The following ARHGAP35 variants were observed in gnomAD, a reference collection of about 807,000 sequenced individuals.
The protein encoded by ARHGAP35 is Rho GTPase activating protein 35, also known as rho GTPase-activating protein 35.
ARHGAP35 carries 15 observed loss-of-function variants against 111.1 expected under a neutral mutation model. That is an observed-to-expected ratio of 0.13 (90% CI 0.09 to 0.21). The LOEUF is 0.21. Ranked by LOEUF, ARHGAP35 falls within the 10% of genes least tolerant of loss-of-function variation. The pLI is 1.00. For missense variants in ARHGAP35, 1,262 were observed against 1,873.0 expected, an observed-to-expected ratio of 0.67 and a Z score of 6.02; for synonymous variants, 643 against 710.3, an observed-to-expected ratio of 0.91 and a Z score of 1.51.
intron 1 of ARHGAP35, among the ~76,000 whole-genome samples, chr19:46,895,794 C>T (rs66942854): frequency 0.061 from 9,218 of 152,100 alleles, 412 homozygotes; most frequent in East Asian, 0.17. Context: ...TTACCCTTCC[C>T]GGGTGGATTT....
At chr19:46,963,700 G>A (rs558161473) in intron 3 of ARHGAP35, among the ~76,000 whole-genome samples, 18 of 152,134 alleles carry the variant, frequency 1.2e-4, no homozygotes, top group Admixed American at 4.6e-4. Context: ...CTGTCACCTC[G>A]AAAGAGGACA....
At chr19:46,895,158 GCAAAATCTTTTTTTT>G (rs1454820396) in intron 1 of ARHGAP35, among the ~76,000 whole-genome samples, 2 of 151,668 alleles carry the variant, frequency 1.3e-5, no homozygotes, top group African/African-American at 2.4e-5. Context: ...AAATTTAAGG[GCAAAATCTTTTTTTT>G]TTTTTTTTGA....
At chr19:46,886,629 GGTT>G (rs1425718271) in intron 1 of ARHGAP35, among the ~76,000 whole-genome samples, 1 of 152,174 alleles carries the variant, frequency 6.6e-6, no homozygotes, top group Non-Finnish European at 1.5e-5. Context: ...CGTTACTCAA[GGTT>G]GTTGTAGATT....
At chr19:46,865,536 T>C (rs1012190075) in intron 1 of ARHGAP35, among the ~76,000 whole-genome samples, 1 of 152,296 alleles carries the variant, frequency 6.6e-6, no homozygotes, top group South Asian at 2.1e-4. Context: ...TCCATGGACC[T>C]GATGGTGACT....
At chr19:46,905,564 C>T (rs1054177393) in intron 1 of ARHGAP35, among the ~76,000 whole-genome samples, 27 of 148,360 alleles carry the variant, frequency 1.8e-4, no homozygotes, top group Admixed American at 8.7e-4. Context: ...CACCCCCCCC[C>T]CCCAAGACAG....
At chr19:46,969,502 T>C (rs1223720243) in intron 3 of ARHGAP35, among the ~76,000 whole-genome samples, 2 of 152,182 alleles carry the variant, frequency 1.3e-5, no homozygotes, top group Non-Finnish European at 2.9e-5. Flanking sequence ...TCTGTCGGAC[T>C]GCTTGAGGCA....
At chr19:46,927,233 C>T (rs1017659193) in intron 2 of ARHGAP35, among the ~76,000 whole-genome samples, 2 of 152,176 alleles carry the variant, frequency 1.3e-5, no homozygotes, top group Admixed American at 1.3e-4. Flanking sequence ...TCAGTGAGCA[C>T]TTGTTTTATG....
chr19:46,991,894 A>G (rs1048805018), intron 5 of ARHGAP35, among the ~76,000 whole-genome samples: 9 of 152,244 alleles, frequency 5.9e-5, no homozygotes, highest in African/African-American at 2.2e-4. Context: ...CCTGAGAGCA[A>G]TTGTGTCTCT....
chr19:46,993,497 C>T lies in ARHGAP35; in HGVS notation c.4036+3822C>T, dbSNP rs78059170. Among the ~76,000 whole-genome samples the T allele has an allele frequency of 6.4e-4, 98 of 152,284 alleles. 1 individual carries two copies. In the East Asian group the frequency reaches 0.019, roughly 29 times the overall value. On this transcript the variant is annotated intron_variant, in intron 5 of 6. Coordinates refer to ENST00000672722, the MANE Select transcript of ARHGAP35 (RefSeq NM_004491.5). This position sits in a 1 kb window ranked among gnomAD's most constrained non-coding sequence, Gnocchi z 4.6. ...TGCCGCCACTTTGTTTGACCTTGGA[C>T]CGGTATTCTGGCTTTGTGAGGCCTG...
rs771708442 is a variant in ARHGAP35, at chr19:46,988,021, G to C, written c.3859G>C (p.Gly1287Arg). 6.2e-7 allele frequency: 1 copy of C among 1,613,892 alleles called. No individual in the cohort carries two copies. The highest frequency in any genetic ancestry group is 8.5e-7 in the Non-Finnish European group (1 of 1,179,856). ...LSTEGIYRVS[G>R]NKSEMESLQR... ...CACGGAAGGCATCTACCGGGTCAGC[G>C]GGAACAAGTCTGAGATGGAGAGTCT... Residue 1287 changes from glycine to arginine, a missense_variant, in exon 4 of 7, where the codon GGG (glycine) becomes CGG (arginine). Gly to Arg is a moderately radical substitution (Grantham distance 125, BLOSUM62 -2). Transcript: ENST00000672722. This position sits in a 1 kb window ranked among gnomAD's most constrained non-coding sequence, Gnocchi z 5.4.
Position 47,000,971 on chromosome 19 carries a change from C to T in ARHGAP35, c.*283C>T. 6.6e-7 allele frequency: 1 copy of T among 1,508,702 alleles called. No individual in the cohort carries two copies. The highest frequency in any genetic ancestry group is 8.9e-7 in the Non-Finnish European group (1 of 1,129,242). 93.5% of individuals were successfully genotyped at this position (1,508,702 alleles called of 1,614,324 possible). A position where few individuals can be genotyped will look rare whatever the true frequency, so the allele number is the denominator to read the frequency against. The stretch of plus-strand genomic sequence containing the variant: ...CTCCCTCTGTTCCCTGGACCACCAC[C>T]CCACGTAGCTGCTCACACCAGCCTC... On this transcript the variant is annotated 3_prime_UTR_variant, in exon 7 of 7. Transcript: ENST00000672722. The surrounding 1 kb of genome is among the most constrained non-coding windows in gnomAD (Gnocchi z 6.9).
chr19:46,893,699 T>C (rs2056038243), intron 1 of ARHGAP35, among the ~76,000 whole-genome samples: 1 of 152,014 alleles, frequency 6.6e-6, no homozygotes, highest in Non-Finnish European at 1.5e-5. Context: ...GAACTAATGA[T>C]CCCAGGGTTT....
chr19:46,966,275 G>T (rs1031513873), intron 3 of ARHGAP35, among the ~76,000 whole-genome samples: 1 of 152,070 alleles, frequency 6.6e-6, no homozygotes, highest in Non-Finnish European at 1.5e-5. Flanking sequence ...GAGGCCAGGC[G>T]CAGTGGCTCA....
intron 3 of ARHGAP35, among the ~76,000 whole-genome samples, chr19:46,980,062 C>A (rs2056612987): frequency 6.6e-6 from 1 of 152,112 alleles, no homozygotes; most frequent in Non-Finnish European, 1.5e-5. Context: ...CTTCTCAGGC[C>A]AGACATCCTT....
intron 2 of ARHGAP35, among the ~76,000 whole-genome samples, chr19:46,931,815 G>A (rs1220692698): frequency 1.3e-5 from 2 of 152,190 alleles, no homozygotes; most frequent in African/African-American, 2.4e-5. Flanking sequence ...CGTACACTAA[G>A]TGCTGGCTGT....
rs145203600 is a variant in ARHGAP35, at chr19:46,885,481, A to C, written c.-189+24272A>C. 3.3e-5 allele frequency among the ~76,000 whole-genome samples: 5 copies of C among 152,278 alleles called. No individual in the cohort carries two copies. In the East Asian group the frequency reaches 9.6e-4, roughly 29 times the overall value. On this transcript the variant is annotated intron_variant, in intron 1 of 6. Coordinates refer to ENST00000672722, the MANE Select transcript of ARHGAP35 (RefSeq NM_004491.5). ...GGAGAATAATAAATTACCCCCACTT[A>C]GAAAGTACTGGTCTGGGTTTGTGTG... is the stretch of plus-strand genomic sequence containing the variant.
intron 1 of ARHGAP35, among the ~76,000 whole-genome samples, chr19:46,865,916 C>T (rs564476207): frequency 3.2e-4 from 49 of 152,308 alleles, no homozygotes; most frequent in Non-Finnish European, 4.4e-4. Context: ...TCTCAGCTCA[C>T]CACAACCTCT....
intron 1 of ARHGAP35, among the ~76,000 whole-genome samples, chr19:46,906,565 A>C (rs1003489119): frequency 2.6e-5 from 4 of 152,216 alleles, no homozygotes; most frequent in African/African-American, 9.6e-5. Context: ...GAACAACTAT[A>C]AAGTGAATAC....
intron 1 of ARHGAP35, among the ~76,000 whole-genome samples, chr19:46,872,201 CAAAAT>C (rs987392814): frequency 6.6e-6 from 1 of 151,366 alleles, no homozygotes; most frequent in Non-Finnish European, 1.5e-5. Context: ...AAAGTGCACA[CAAAAT>C]AAAATTAAAT....
Sources: gnomAD v4.1 joint callset for allele counts (sites outside exome capture counted in the v4.1 genomes callset) on GRCh38, gnomAD v4.1.1 for gene constraint, Gnocchi (gnomAD v3.1) non-coding constraint, MANE v1.5 for transcripts, NCBI Gene and HGNC (gene_info 2026-07-23, HGNC 2026-07-21) for gene names.